The following DBF4B variants were observed in gnomAD, a reference collection of about 807,000 sequenced individuals.
DBF4B encodes the protein protein DBF4 homolog B.
DBF4B carries 49 observed loss-of-function variants against 53.4 expected under a neutral mutation model. The observed-to-expected ratio is 0.92, with a 90% CI of 0.73 to 1.16. The LOEUF is 1.16. Among genes scored for constraint, DBF4B ranks in the 50% most tolerant of loss-of-function variants. The pLI, the probability that DBF4B is intolerant of heterozygous loss-of-function variation, is 0.00. For synonymous variants in DBF4B, 257 were observed against 288.7 expected (o/e 0.89, Z 1.11); for missense variants, 692 against 775.0 (o/e 0.89, Z 1.27).
chr17:44,717,882 G>A (rs1382660962), intron 2 of DBF4B, among the ~76,000 whole-genome samples: 1 of 151,560 alleles, frequency 6.6e-6, no homozygotes, highest in Non-Finnish European at 1.5e-5. Flanking sequence ...CAGGTATGGT[G>A]GTGCGTGACA....
intron 8 of DBF4B, 128 bp from the exon 9 acceptor site, chr17:44,738,251 T>C (rs779535079): frequency 2.9e-6 from 3 of 1,032,464 alleles, no homozygotes; most frequent in South Asian, 1.8e-5. Context: ...TGGGGTGGCA[T>C]GATTTCCAGC....
In DBF4B at chr17:44,750,936, C is replaced by T. The variant is rs376390124; in HGVS notation, c.1531C>T (p.Arg511Cys). 18 of 1,614,188 alleles carry T rather than the reference C, an allele frequency of 1.1e-5. No homozygotes were observed. The highest frequency in any genetic ancestry group is 8.3e-5 in the Admixed American group (5 of 60,034). ...GCTTATGTCTGCACGCTGCTGGGTT[C>T]GTCCCTTTCCTTTTGTGACATGGGG... is the stretch of plus-strand genomic sequence containing the variant. ...PWLMSARCWVRPFPFVTWGCL... is the reference protein window; with the variant it reads ...PWLMSARCWVCPFPFVTWGCL... The change falls in exon 14 of 14, where the codon CGT becomes TGT. Residue 511 changes from arginine (R) to cysteine (C), a missense_variant. Arg to Cys is a radical substitution (Grantham distance 180, BLOSUM62 -3). Transcript: ENST00000315005.
rs74790584 is a variant in DBF4B at position 44,738,047 on chromosome 17, C to T, written c.668-332C>T. On this transcript the variant is annotated intron_variant, in intron 8 of 13. Coordinates refer to ENST00000315005, the MANE Select transcript of DBF4B (RefSeq NM_145663.3). The stretch of plus-strand genomic sequence containing the variant: ...CAGGGGCTGGGTTTCTCCCACCAAA[C>T]CAGCCAGGTGTCTGATGGTGGTGGC... 4.6e-3 allele frequency among the ~76,000 whole-genome samples: 695 copies of T among 152,354 alleles called. 3 individuals carry two copies. The highest frequency in any genetic ancestry group is 0.016 in the African/African-American group (672 of 41,588).
chr17:44,727,859 G>A (rs1015565887), intron 3 of DBF4B, among the ~76,000 whole-genome samples: 5 of 143,718 alleles, frequency 3.5e-5, no homozygotes, highest in African/African-American at 5.1e-5. Flanking sequence ...CACCATGCCC[G>A]GGTAATTTTT....
In DBF4B at chr17:44,748,563, C is replaced by G. The variant is rs756569878; in HGVS notation, c.1189+98C>G. ...CTGGACCTATAGCAAGCTGCCAGGA[C>G]CTGGGGGTGTCAGTTGATGTGTTTG... is the stretch of plus-strand genomic sequence containing the variant. On this transcript the variant is annotated intron_variant, in intron 13 of 13. Coordinates refer to ENST00000315005, the MANE Select transcript of DBF4B (RefSeq NM_145663.3). The G allele has an allele frequency of 1.3e-5, 21 of 1,570,386 alleles. No individual in the cohort carries two copies. The East Asian group carries it at 4.7e-4, about 35-fold the overall frequency.
chr17:44,750,105 TC>T, intron 13 of DBF4B: 9 of 996,642 alleles, frequency 9.0e-6, no homozygotes, highest in Middle Eastern at 5.2e-4. Flanking sequence ...GTTCGGCTGT[TC>T]CGGGGCCAGT....
chr17:44,750,725 G>A lies in DBF4B; in HGVS notation c.1320G>A (p.Glu440=), dbSNP rs746478100. ...LLPALPKGSR[E]QGCLCPCPAS... ...CGGCCTTGCCCAAGGGCTCCAGGGAGCAGGGCTGCCTCTGTCCCTGCCCAG... is the reference window on the plus strand; with the variant it reads ...CGGCCTTGCCCAAGGGCTCCAGGGAACAGGGCTGCCTCTGTCCCTGCCCAG... Residue 440 remains glutamate, a synonymous_variant, in exon 14 of 14, where the codon GAG becomes GAA. Transcript: ENST00000315005. The A allele has an allele frequency of 6.2e-7, 1 of 1,614,142 alleles. No homozygotes were observed. Among genetic ancestry groups the A allele is most frequent in the East Asian group, 2.2e-5 (1 of 44,872 alleles).
intron 7 of DBF4B, among the ~76,000 whole-genome samples, chr17:44,735,105 CAT>C (rs1047005701): frequency 1.1e-4 from 17 of 151,860 alleles, no homozygotes; most frequent in African/African-American, 3.9e-4. Flanking sequence ...CTCAAAAAAA[CAT>C]AAAAAAATAG....
chr17:44,718,303 G>A (rs1322468472), intron 2 of DBF4B, among the ~76,000 whole-genome samples: 1 of 151,276 alleles, frequency 6.6e-6, no homozygotes, highest in East Asian at 2.0e-4. Context: ...TGCGCCTGTA[G>A]TCCCAGCTAC....
In DBF4B at chr17:44,720,273, T is replaced by C. The variant is rs1973714231; in HGVS notation, c.83-2607T>C. ...TTCAGTAGGGTAATATCTAGGCATT[T>C]TGTGAAGTTTAACCACCTGGGTACC... On this transcript the variant is annotated intron_variant, in intron 2 of 13. Coordinates refer to ENST00000315005, the MANE Select transcript of DBF4B (RefSeq NM_145663.3). 1.4e-5 allele frequency: 4 copies of C among 283,620 alleles called. No homozygotes were observed. The South Asian group carries it at 1.7e-4, about 12-fold the overall frequency. 17.6% of individuals were successfully genotyped at this position (283,620 alleles called of 1,614,324 possible). A position where few individuals can be genotyped will look rare whatever the true frequency, so the allele number is the denominator to read the frequency against.
chr17:44,734,000 A>T, intron 6 of DBF4B, 90 bp from the exon 7 acceptor site: 1 of 1,079,324 alleles, frequency 9.3e-7, no homozygotes, highest in Non-Finnish European at 1.4e-6. Context: ...GGGCTGGCCC[A>T]GCGAGTTTAG....
At chr17:44,719,306 A>G (rs961481778) in intron 2 of DBF4B, among the ~76,000 whole-genome samples, 1 of 151,704 alleles carries the variant, frequency 6.6e-6, no homozygotes, top group African/African-American at 2.4e-5. Context: ...TATAGTTCAC[A>G]CACCACACAA....
At chr17:44,736,123 G>A (rs1040986813) in intron 7 of DBF4B, among the ~76,000 whole-genome samples, 12 of 151,350 alleles carry the variant, frequency 7.9e-5, no homozygotes, top group South Asian at 2.1e-4. Context: ...CTAGGACTAC[G>A]GGCATGCGCC....
At chr17:44,745,902 A>G (rs142037903) in intron 10 of DBF4B, among the ~76,000 whole-genome samples, 24 of 152,180 alleles carry the variant, frequency 1.6e-4, no homozygotes, top group African/African-American at 5.8e-4. Context: ...TATGGGGCTG[A>G]TATTCAGATA....
At chr17:44,748,685 C>G in intron 13 of DBF4B, 1 of 1,440,322 alleles carries the variant, frequency 6.9e-7, no homozygotes, top group Non-Finnish European at 9.2e-7. Flanking sequence ...CCAGACCTGG[C>G]ACTTTTTGGC....
At chr17:44,734,022 AG>A in intron 6 of DBF4B, 67 bp from the exon 7 acceptor site, 1 of 1,357,558 alleles carries the variant, frequency 7.4e-7, no homozygotes, top group Non-Finnish European at 1.1e-6. Flanking sequence ...CCTGCAGCCC[AG>A]GAAGGGGCTG....
In DBF4B at chr17:44,751,250, T is replaced by C; in HGVS notation, c.1845T>C (p.Gly615=). ...LHCGFLAVDS[G] ...GCGGCTTCCTGGCTGTAGACTCAGG[T>C]TAGAGGTGAACCCAGAACACCTGAG... The change falls in exon 14 of 14, where the codon GGT becomes GGC. Residue 615 remains glycine, a synonymous_variant. Coordinates refer to ENST00000315005, the MANE Select transcript of DBF4B (RefSeq NM_145663.3). 1 of 1,611,762 alleles carries C rather than the reference T, an allele frequency of 6.2e-7. No homozygotes were observed. The highest frequency in any genetic ancestry group is 8.5e-7 in the Non-Finnish European group (1 of 1,178,950).
intron 2 of DBF4B, among the ~76,000 whole-genome samples, chr17:44,710,152 G>A (rs1019711735): frequency 6.6e-6 from 1 of 151,736 alleles, no homozygotes. Context: ...CAACCTGGGC[G>A]ACCGAGCGAG....
At chr17:44,738,200 G>A (rs1246498174) in intron 8 of DBF4B, among the ~76,000 whole-genome samples, 179 bp from the exon 9 acceptor site, 1 of 152,258 alleles carries the variant, frequency 6.6e-6, no homozygotes, top group East Asian at 1.9e-4. Context: ...CTTTCTCCCA[G>A]GGGTAGAGGC....
Sources: allele counts gnomAD v4.1 joint callset (sites outside exome capture counted in the v4.1 genomes callset), GRCh38; gene constraint gnomAD v4.1.1; transcripts MANE v1.5; gene names NCBI Gene and HGNC (gene_info 2026-07-23, HGNC 2026-07-21).